The following STARD13 variants were observed in gnomAD, a reference collection of about 807,000 sequenced individuals.
STARD13 encodes stAR-related lipid transfer protein 13.
A neutral mutation model predicts 106.4 loss-of-function variants in STARD13; 62 were observed. The observed-to-expected ratio is 0.58, with a 90% CI of 0.48 to 0.72. The LOEUF (loss-of-function observed/expected upper bound fraction) is 0.72, where lower values mean the gene tolerates loss of function less well. Ranked by LOEUF, STARD13 falls within the 30% of genes least tolerant of loss-of-function variation. The pLI is 0.00. For synonymous variants in STARD13, 565 were observed against 553.0 expected (o/e 1.02, Z -0.31); for missense variants, 1,387 against 1,424.0 (o/e 0.97, Z 0.42).
At chr13:33,356,264 T>A in the STARD13 span, among the ~76,000 whole-genome samples, 9 of 152,228 alleles carry the variant, frequency 5.9e-5, no homozygotes, top group Non-Finnish European at 1.0e-4. Flanking sequence ...GAGTAAGTAA[T>A]TTAGCTTACC....
the STARD13 span, among the ~76,000 whole-genome samples, chr13:33,626,539 A>G: frequency 2.6e-5 from 4 of 152,232 alleles, no homozygotes; most frequent in Non-Finnish European, 4.4e-5. Flanking sequence ...TGAGCAAAAT[A>G]AAGAAAATAA....
chr13:33,183,190 C>G (rs1885414249), intron 1 of STARD13, among the ~76,000 whole-genome samples: 1 of 152,196 alleles, frequency 6.6e-6, no homozygotes, highest in Non-Finnish European at 1.5e-5. Flanking sequence ...ACATCTCTCT[C>G]CCCCATTAGA....
chr13:33,450,644 T>G, the STARD13 span, among the ~76,000 whole-genome samples: 1 of 152,204 alleles, frequency 6.6e-6, no homozygotes, highest in Admixed American at 6.5e-5. Context: ...GGATCATAAC[T>G]TTTTTGTTTA....
the STARD13 span, among the ~76,000 whole-genome samples, chr13:33,495,427 C>T: frequency 3.9e-5 from 6 of 152,054 alleles, no homozygotes; most frequent in Non-Finnish European, 1.5e-5. Context: ...TTCGAGAAAG[C>T]CTTGAAGATA....
intron 1 of STARD13, among the ~76,000 whole-genome samples, chr13:33,301,266 G>A (rs1222174830): frequency 6.6e-6 from 1 of 152,182 alleles, no homozygotes; most frequent in African/African-American, 2.4e-5. Flanking sequence ...CACTTGGCAT[G>A]TGTGAATTGC....
intron 1 of STARD13, among the ~76,000 whole-genome samples, chr13:33,285,091 G>C (rs532665877): frequency 2.5e-4 from 38 of 152,072 alleles, no homozygotes; most frequent in Non-Finnish European, 3.1e-4. Context: ...TTAGTCCCTC[G>C]CCTCCTCCCT....
the STARD13 span, among the ~76,000 whole-genome samples, chr13:33,610,526 C>T: frequency 1.3e-5 from 2 of 152,244 alleles, no homozygotes; most frequent in African/African-American, 4.8e-5. Flanking sequence ...CCTGCGCCTG[C>T]GCTGAGCCTC....
intron 1 of STARD13, among the ~76,000 whole-genome samples, chr13:33,304,722 T>C (rs779149919): frequency 3.3e-5 from 5 of 152,224 alleles, no homozygotes; most frequent in African/African-American, 9.6e-5. Context: ...CCACGAGACA[T>C]TGCCTTGCCC....
In STARD13 at chr13:33,129,393, G is replaced by C; in HGVS notation, c.1284C>G (p.Thr428=). 3 of 1,614,140 alleles carry C rather than the reference G, an allele frequency of 1.9e-6. No homozygotes were observed. Among genetic ancestry groups the C allele is most frequent in the Non-Finnish European group, 2.5e-6 (3 of 1,180,026 alleles). Residue 428 remains threonine, a synonymous_variant, in exon 5 of 14, where the codon ACC becomes ACG. Coordinates refer to ENST00000336934, the MANE Select transcript of STARD13 (RefSeq NM_178006.4). The stretch of plus-strand genomic sequence containing the variant: ...GCTCTCTGCCCAGGGAGATGCTACC[G>C]GTCCTCCAATTAACCCCATTGCTAC... ...TDSSNGVNWR[T]GSISLGREQV... is the part of the protein sequence containing the mutation.
chr13:33,501,194 A>G, the STARD13 span, among the ~76,000 whole-genome samples: 1 of 148,174 alleles, frequency 6.7e-6, no homozygotes, highest in Admixed American at 6.9e-5. Context: ...CTCCTGCCTC[A>G]ACCTCCTGAG....
chr13:33,367,352 C>T, the STARD13 span, among the ~76,000 whole-genome samples: 1 of 152,096 alleles, frequency 6.6e-6, no homozygotes, highest in Non-Finnish European at 1.5e-5. Flanking sequence ...TTGAAAGCTG[C>T]AGACAGTTCT....
chr13:33,119,420 G>T (rs1159368450), intron 7 of STARD13, among the ~76,000 whole-genome samples: 1 of 152,092 alleles, frequency 6.6e-6, no homozygotes. Flanking sequence ...CCCTATACCT[G>T]GAGGAAAGCC....
the STARD13 span, among the ~76,000 whole-genome samples, chr13:33,514,980 C>T: frequency 6.6e-6 from 1 of 152,066 alleles, no homozygotes. Context: ...TGTGGTTTTA[C>T]AATTACCGCT....
chr13:33,632,522 G>A, the STARD13 span, among the ~76,000 whole-genome samples: 372 of 152,218 alleles, frequency 2.4e-3, 3 homozygotes, highest in African/African-American at 8.6e-3. Context: ...GTGTATTCAA[G>A]GGATTTTGCT....
At chr13:33,240,902 C>T (rs1009848414) in intron 1 of STARD13, among the ~76,000 whole-genome samples, 17 of 152,118 alleles carry the variant, frequency 1.1e-4, no homozygotes, top group Admixed American at 8.5e-4. Context: ...AACTGATGTT[C>T]GCATGTTGGT....
intron 1 of STARD13, among the ~76,000 whole-genome samples, chr13:33,331,524 G>GTTTTTT (rs1408015360): frequency 1.7e-5 from 1 of 59,692 alleles, no homozygotes; most frequent in African/African-American, 5.9e-5. Flanking sequence ...GGCTGATTTT[G>GTTTTTT]TATTTTTTTT....
At chr13:33,250,329 G>A (rs149173863) in intron 1 of STARD13, among the ~76,000 whole-genome samples, 15 of 152,298 alleles carry the variant, frequency 9.8e-5, no homozygotes, top group East Asian at 7.7e-4. Context: ...GCTCATTAGC[G>A]CAGAGGAATG....
At position 33,260,126 on chromosome 13, in the gene STARD13, C is replaced by A. The variant is rs888301367; in HGVS notation, c.169+25344G>T. On this transcript the variant is annotated intron_variant, in intron 1 of 13. Coordinates refer to ENST00000336934, the MANE Select transcript of STARD13 (RefSeq NM_178006.4). ...CCTGAGGCAGCATGGGGTTAGATAACTGGTCCATGGTCAAACATCTAGGCC... is the reference window on the plus strand; with the variant it reads ...CCTGAGGCAGCATGGGGTTAGATAAATGGTCCATGGTCAAACATCTAGGCC... Among the ~76,000 whole-genome samples the A allele has an allele frequency of 3.9e-5, 6 of 152,020 alleles. No individual in the cohort carries two copies. In the South Asian group the frequency reaches 1.2e-3, roughly 32 times the overall value.
intron 1 of STARD13, among the ~76,000 whole-genome samples, chr13:33,340,789 C>T (rs2077951305): frequency 6.6e-6 from 1 of 152,186 alleles, no homozygotes; most frequent in South Asian, 2.1e-4. Context: ...TGTAGTCATG[C>T]TACATTCTAT....
Sources: gnomAD v4.1 joint callset for allele counts (sites outside exome capture counted in the v4.1 genomes callset) on GRCh38, gnomAD v4.1.1 for gene constraint, MANE v1.5 for transcripts, NCBI Gene and HGNC (gene_info 2026-07-23, HGNC 2026-07-21) for gene names.